Variants in RABL6 observed in about 807,000 individuals in gnomAD.
RABL6 encodes rab-like protein 6.
Under a neutral mutation model 72.9 loss-of-function variants are expected in RABL6, and 28 were observed. The ratio of observed to expected loss-of-function variants is 0.38; its 90% CI spans 0.28 to 0.53. The LOEUF (loss-of-function observed/expected upper bound fraction) is 0.53, where lower values mean the gene tolerates loss of function less well. Ranked by LOEUF, RABL6 falls within the 20% of genes least tolerant of loss-of-function variation. The pLI is 0.80. For synonymous variants in RABL6, 477 were observed against 421.2 expected (o/e 1.13, Z -1.62); for missense variants, 1,029 against 1,008.4 (o/e 1.02, Z -0.28).
At position 136,838,887 on chromosome 9, in the gene RABL6, CGCTTTGCCCCCT is replaced by C. The variant is rs756833230; in HGVS notation, c.1281-14_1281-3del. 2.0e-6 allele frequency: 3 copies of C among 1,531,610 alleles called. No individual in the cohort carries two copies. The highest frequency in any genetic ancestry group is 2.6e-6 in the Non-Finnish European group (3 of 1,136,220). 94.9% of individuals were successfully genotyped at this position (1,531,610 alleles called of 1,614,324 possible). On this transcript the variant is annotated splice_polypyrimidine_tract_variant and intron_variant, in intron 10 of 14. Coordinates refer to ENST00000311502, the MANE Select transcript of RABL6 (RefSeq NM_024718.5). ...CCATCCCTACCCCGTGGCCCTTGAC[CGCTTTGCCCCCT>C]GCTTTGCAGTGATGGGGAGGCCCTG...
intron 1 of RABL6, chr9:136,821,398 G>A (rs1365638913): frequency 9.1e-6 from 9 of 985,336 alleles, no homozygotes; most frequent in Non-Finnish European, 1.1e-5. Context: ...CGCGTGGGCC[G>A]CCTGAGCGGT....
chr9:136,833,469 C>T (rs2131196594), intron 7 of RABL6: 2 of 511,186 alleles, frequency 3.9e-6, no homozygotes, highest in East Asian at 3.9e-5. Context: ...TGTACCTCCT[C>T]GCCCTGGGCT....
chr9:136,840,204 G>C lies in RABL6; in HGVS notation c.1981G>C (p.Gly661Arg), dbSNP rs770626943. Reference sequence around the variant, plus strand: ...GGAGAAGAAGAAGAAGAAGAAAAAAGGCAAAGAGGTACTGGCTACTCCCCT... The same window carrying C: ...GGAGAAGAAGAAGAAGAAGAAAAAACGCAAAGAGGTACTGGCTACTCCCCT... The part of the protein sequence containing the change: ...SKEKKKKKKK[G>R]KEEEEKAAKK... Residue 661 changes from glycine (G) to arginine (R), a missense_variant, in exon 14 of 15, where the codon GGC becomes CGC. This residue lies in a region of RABL6 where 595 missense variants were observed against 472.4 expected (regional missense o/e 1.26). Coordinates refer to ENST00000311502, the MANE Select transcript of RABL6 (RefSeq NM_024718.5). 4.3e-6 allele frequency: 7 copies of C among 1,612,858 alleles called. No homozygotes were observed. Among genetic ancestry groups the C allele is most frequent in the Admixed American group, 3.3e-5 (2 of 60,012 alleles).
At chr9:136,817,113 CAT>C (rs1265875915) in intron 1 of RABL6, among the ~76,000 whole-genome samples, 2 of 152,098 alleles carry the variant, frequency 1.3e-5, no homozygotes, top group Non-Finnish European at 2.9e-5. Context: ...AAATGAAAAA[CAT>C]AGTCATTAAC....
intron 1 of RABL6, chr9:136,821,788 A>G (rs1007758281): frequency 2.9e-5 from 34 of 1,171,364 alleles, no homozygotes; most frequent in Admixed American, 4.0e-5. Flanking sequence ...CTGTTCTCCA[A>G]GTTCTCCGCG....
rs375009169 is a variant in RABL6 at position 136,835,757 on chromosome 9, C to G, written c.721C>G (p.Arg241Gly). The G allele has an allele frequency of 1.3e-6, 2 of 1,549,654 alleles. No individual in the cohort carries two copies. Among genetic ancestry groups the G allele is most frequent in the Middle Eastern group, 2.1e-4 (1 of 4,866 alleles). Reference protein sequence around the residue: ...FLQLQRETLLRQLETNQLDMD... With the variant: ...FLQLQRETLLGQLETNQLDMD... ...CTTTCTGCAGAGGGAGACGCTGTTGCGGCAGCTGGAGACGAACCAGCTGGA... is the reference window on the plus strand; with the variant it reads ...CTTTCTGCAGAGGGAGACGCTGTTGGGGCAGCTGGAGACGAACCAGCTGGA... The change falls in exon 8 of 15, where the codon CGG becomes GGG. Residue 241 changes from arginine (R) to glycine (G), a missense_variant. Physicochemically the swap from Arg to Gly is moderately radical, Grantham distance 125 (BLOSUM62 -2). Coordinates refer to ENST00000311502, the MANE Select transcript of RABL6 (RefSeq NM_024718.5).
Position 136,841,013 on chromosome 9 carries a change from G to C in RABL6, c.*491G>C. On this transcript the variant is annotated 3_prime_UTR_variant, in exon 15 of 15. Transcript: ENST00000311502. ...CCCTAAAGGGCGGCCCAGGCCCCAC[G>C]CTAGAAGGCTGGCGAGACCGAAGGC... The C allele has an allele frequency of 7.0e-7, 1 of 1,436,512 alleles. No homozygotes were observed. The highest frequency in any genetic ancestry group is 1.4e-5 in the African/African-American group (1 of 69,446). 89.0% of individuals were successfully genotyped at this position (1,436,512 alleles called of 1,614,324 possible).
chr9:136,821,422 G>C (rs1380209105), intron 1 of RABL6: 1 of 985,354 alleles, frequency 1.0e-6, no homozygotes, highest in Admixed American at 6.1e-5. Context: ...GGGGCGGGGA[G>C]GCAGGGCCGC....
chr9:136,837,670 C>T lies in RABL6; in HGVS notation c.1126+8C>T. 6.4e-7 allele frequency: 1 copy of T among 1,571,988 alleles called. No individual in the cohort carries two copies. The highest frequency in any genetic ancestry group is 8.6e-7 in the Non-Finnish European group (1 of 1,160,050). On this transcript the variant is annotated splice_region_variant and intron_variant, in intron 9 of 14. Coordinates refer to ENST00000311502, the MANE Select transcript of RABL6 (RefSeq NM_024718.5). ...CAGCCCCTCCACCTCCAGGTAGGCC[C>T]TGGAGCTGCCCCTCCCAAACTGGTC...
chr9:136,822,067 G>A lies in RABL6; in HGVS notation c.131-1458G>A, dbSNP rs544608947. ...TGACTGTGGGAACAGGTGCCTTGAG[G>A]TAGAGGGAGGGGACTGGGCCAGGAG... On this transcript the variant is annotated intron_variant, in intron 1 of 14. Transcript: ENST00000311502. 4.7e-6 allele frequency: 6 copies of A among 1,289,410 alleles called. No individual in the cohort carries two copies. In the Admixed American group the frequency reaches 1.1e-4, roughly 25 times the overall value. The allele number at this position is 1,289,410 out of a possible 1,614,324, so 79.9% of individuals were successfully genotyped here.
chr9:136,810,466 G>A (rs1847985030), intron 1 of RABL6, among the ~76,000 whole-genome samples: 1 of 152,240 alleles, frequency 6.6e-6, no homozygotes. Flanking sequence ...TATCTTTATA[G>A]CTGAATAACA....
chr9:136,829,154 G>T (rs1848418821), intron 4 of RABL6, among the ~76,000 whole-genome samples: 1 of 152,268 alleles, frequency 6.6e-6, no homozygotes, highest in Admixed American at 6.5e-5. Context: ...GCTGTGATCA[G>T]TGGGAGGTCC....
chr9:136,841,147 A>G lies in RABL6; in HGVS notation c.*625A>G. On this transcript the variant is annotated 3_prime_UTR_variant, in exon 15 of 15. Transcript: ENST00000311502. ...CAGGAGCCGGGAGGCACTCCTCCCA[A>G]ACACTCCACTCAGACCATAAAGCAC... is the stretch of plus-strand genomic sequence containing the variant. The G allele has an allele frequency of 2.2e-6, 2 of 915,316 alleles. No individual in the cohort carries two copies. Among genetic ancestry groups the G allele is most frequent in the South Asian group, 2.3e-5 (1 of 42,598 alleles). 56.7% of individuals were successfully genotyped at this position (915,316 alleles called of 1,614,324 possible).
Position 136,831,827 on chromosome 9 carries a change from G to A in RABL6, c.565G>A (p.Asp189Asn). Reference protein sequence around the residue: ...DMGEHRVILPDDVRDFIDNLD... With the variant: ...DMGEHRVILPNDVRDFIDNLD... ...GGGCGAGCACCGAGTCATCCTGCCG[G>A]ACGACGTGCGTGACTTCATCGACAA... is the stretch of plus-strand genomic sequence containing the variant. Residue 189 changes from aspartate (D) to asparagine (N), a missense_variant, in exon 6 of 15, where the codon GAC becomes AAC. Physicochemically the swap from Asp to Asn is conservative, Grantham distance 23. Around this residue, in one of 2 missense-constraint regions of RABL6, gnomAD observed 434 missense variants for 536.1 expected, o/e 0.81. Transcript: ENST00000311502. The A allele has an allele frequency of 6.2e-7, 1 of 1,612,980 alleles. No homozygotes were observed. Among genetic ancestry groups the A allele is most frequent in the Non-Finnish European group, 8.5e-7 (1 of 1,179,692 alleles).
chr9:136,819,611 A>G (rs1848198140), intron 1 of RABL6, among the ~76,000 whole-genome samples: 2 of 152,242 alleles, frequency 1.3e-5, no homozygotes, highest in South Asian at 2.1e-4. Context: ...AACATTAACC[A>G]TAAGAAAGCT....
intron 1 of RABL6, chr9:136,822,104 G>T (rs905706117): frequency 2.3e-6 from 3 of 1,285,912 alleles, no homozygotes; most frequent in East Asian, 1.1e-4. Flanking sequence ...GAGGAGCCGG[G>T]TGGGGCACAG....
chr9:136,809,895 G>T, intron 1 of RABL6: 1 of 156,218 alleles, frequency 6.4e-6, no homozygotes. Flanking sequence ...GGACTCCTCT[G>T]TCCAGGAGCT....
Position 136,839,368 on chromosome 9 carries a change from G to A in RABL6, c.1640G>A (p.Gly547Asp). 1.2e-6 allele frequency: 2 copies of A among 1,612,698 alleles called. No individual in the cohort carries two copies. Among genetic ancestry groups the A allele is most frequent in the Non-Finnish European group, 8.5e-7 (1 of 1,179,750 alleles). The change falls in exon 12 of 15, where the codon GGT becomes GAT. Residue 547 changes from glycine (G) to aspartate (D), a missense_variant. This residue lies in a region of RABL6 where 595 missense variants were observed against 472.4 expected (regional missense o/e 1.26). Transcript: ENST00000311502. ...RPPAEMEPGK[G>D]EQASSSESDP... ...CCTGCTGAGATGGAGCCGGGGAAGG[G>A]TGAGCAGGCCTCCTCGTCGGAGAGT... is the stretch of plus-strand genomic sequence containing the variant.
chr9:136,824,841 G>A (rs527764025), intron 2 of RABL6, among the ~76,000 whole-genome samples: 17 of 152,308 alleles, frequency 1.1e-4, no homozygotes, highest in Admixed American at 6.5e-4. Context: ...CCACAGGGCC[G>A]GCGCACAGAA....
Sources: allele counts gnomAD v4.1 joint callset (sites outside exome capture counted in the v4.1 genomes callset), GRCh38; gene constraint gnomAD v4.1.1; regional missense constraint gnomAD v4.1.1; transcripts MANE v1.5; gene names NCBI Gene and HGNC (gene_info 2026-07-23, HGNC 2026-07-21).